Variants in CDYL2 observed in about 807,000 individuals in gnomAD.
CDYL2 encodes the protein chromodomain Y like 2.
CDYL2 carries 23 observed loss-of-function variants against 49.4 expected under a neutral mutation model. That is an observed-to-expected ratio of 0.47 (90% CI 0.34 to 0.66). CDYL2 has a LOEUF of 0.66. Among genes scored for constraint, CDYL2 ranks in the 30% least tolerant of loss-of-function variants. The pLI, the probability that CDYL2 is intolerant of heterozygous loss-of-function variation, is 0.01. For synonymous variants in CDYL2, 360 were observed against 268.8 expected (o/e 1.34, Z -3.32); for missense variants, 678 against 656.4 (o/e 1.03, Z -0.36).
intron 1 of CDYL2, among the ~76,000 whole-genome samples, chr16:80,721,898 A>C (rs1322839732): frequency 6.6e-6 from 1 of 152,160 alleles, no homozygotes; most frequent in Non-Finnish European, 1.5e-5. Context: ...GCTGGGCTGC[A>C]AATTCAGGGA....
chr16:80,713,817 G>C, intron 1 of CDYL2, among the ~76,000 whole-genome samples: 1 of 152,070 alleles, frequency 6.6e-6, no homozygotes, highest in East Asian at 1.9e-4. Flanking sequence ...CCCATTCTTG[G>C]AACTCAGGAG....
intron 1 of CDYL2, among the ~76,000 whole-genome samples, chr16:80,780,742 C>G (rs1333341145): frequency 2.0e-5 from 3 of 152,020 alleles, no homozygotes; most frequent in African/African-American, 7.2e-5. Flanking sequence ...ACAAAATTGT[C>G]CACATCATTT....
intron 1 of CDYL2, among the ~76,000 whole-genome samples, chr16:80,746,043 G>T (rs936110059): frequency 6.6e-6 from 1 of 152,158 alleles, no homozygotes; most frequent in Non-Finnish European, 1.5e-5. Flanking sequence ...CCACACACAG[G>T]TCCTTGGAAT....
At chr16:80,767,592 T>C (rs368894479) in intron 1 of CDYL2, among the ~76,000 whole-genome samples, 1 of 152,206 alleles carries the variant, frequency 6.6e-6, no homozygotes, top group African/African-American at 2.4e-5. Context: ...TCATTTCTTT[T>C]GTGCTCAAGG....
At chr16:80,794,150 CAGA>C (rs1352145134) in intron 1 of CDYL2, among the ~76,000 whole-genome samples, 1 of 152,120 alleles carries the variant, frequency 6.6e-6, no homozygotes, top group Non-Finnish European at 1.5e-5. Context: ...TGAGTCAGAG[CAGA>C]AGGAGCCAGT....
chr16:80,705,295 A>G (rs533555271), intron 1 of CDYL2, among the ~76,000 whole-genome samples: 103 of 152,332 alleles, frequency 6.8e-4, no homozygotes, highest in African/African-American at 2.3e-3. Flanking sequence ...TGGCTGGGAA[A>G]GCGGGCAGGG....
chr16:80,777,493 G>A (rs766962822), intron 1 of CDYL2, among the ~76,000 whole-genome samples: 2 of 151,746 alleles, frequency 1.3e-5, no homozygotes, highest in Non-Finnish European at 2.9e-5. Flanking sequence ...AAAATATGAA[G>A]AAAAGAGAAA....
chr16:80,788,071 C>T (rs1029261817), intron 1 of CDYL2, among the ~76,000 whole-genome samples: 13 of 151,958 alleles, frequency 8.6e-5, no homozygotes, highest in Non-Finnish European at 1.8e-4. Flanking sequence ...GGAATGCAAG[C>T]ACCATGCCAA....
At chr16:80,705,779 G>A (rs1449346872) in intron 1 of CDYL2, among the ~76,000 whole-genome samples, 1 of 152,256 alleles carries the variant, frequency 6.6e-6, no homozygotes, top group South Asian at 2.1e-4. Flanking sequence ...AACAAATGTG[G>A]CTGTGTTCCA....
At position 80,643,431 on chromosome 16, in the gene CDYL2, A is replaced by T. The variant is rs554572933; in HGVS notation, c.617-10195T>A. ...GATTTACCATTCTGGGGTCTGGAGG[A>T]CGGTGGCCCTTTTCTCACAGCTCCA... On this transcript the variant is annotated intron_variant, in intron 2 of 6. Transcript: ENST00000570137. 3.9e-5 allele frequency among the ~76,000 whole-genome samples: 6 copies of T among 152,292 alleles called. No individual in the cohort carries two copies. In the South Asian group the frequency reaches 1.2e-3, roughly 32 times the overall value.
At chr16:80,760,696 C>T (rs942737848) in intron 1 of CDYL2, among the ~76,000 whole-genome samples, 4 of 151,912 alleles carry the variant, frequency 2.6e-5, no homozygotes, top group Non-Finnish European at 5.9e-5. Context: ...TTCTCACCTA[C>T]GCTTCTATTA....
intron 2 of CDYL2, among the ~76,000 whole-genome samples, chr16:80,658,120 AT>A (rs1002523722): frequency 2.0e-5 from 3 of 151,794 alleles, no homozygotes; most frequent in Non-Finnish European, 4.4e-5. Context: ...AAAAAAAAAA[AT>A]CACAAGAAGA....
chr16:80,661,443 G>C (rs1331032792), intron 2 of CDYL2, among the ~76,000 whole-genome samples: 1 of 152,074 alleles, frequency 6.6e-6, no homozygotes, highest in Non-Finnish European at 1.5e-5. Context: ...GCCTACTATG[G>C]GATTCACACA....
At chr16:80,770,472 A>T (rs927248006) in intron 1 of CDYL2, among the ~76,000 whole-genome samples, 3 of 152,230 alleles carry the variant, frequency 2.0e-5, no homozygotes, top group Non-Finnish European at 4.4e-5. Context: ...TATGTAGAAA[A>T]ACAAAAGAAA....
chr16:80,636,788 G>C (rs930503155), intron 2 of CDYL2, among the ~76,000 whole-genome samples: 2 of 152,142 alleles, frequency 1.3e-5, no homozygotes, highest in Non-Finnish European at 2.9e-5. Flanking sequence ...CAATAGCAAA[G>C]ACTTGGAACC....
intron 1 of CDYL2, among the ~76,000 whole-genome samples, chr16:80,780,462 T>C (rs976709943): frequency 1.4e-5 from 2 of 145,198 alleles, no homozygotes; most frequent in Non-Finnish European, 3.0e-5. Context: ...TGGAGTGCAG[T>C]GGCACCAACT....
chr16:80,705,492 G>C (rs1036511743), intron 1 of CDYL2, among the ~76,000 whole-genome samples: 1 of 152,228 alleles, frequency 6.6e-6, no homozygotes. Context: ...AGAAGCTTTA[G>C]CCCAGCTGTA....
At chr16:80,713,903 G>A (rs932419482) in intron 1 of CDYL2, among the ~76,000 whole-genome samples, 2 of 152,130 alleles carry the variant, frequency 1.3e-5, no homozygotes, top group Non-Finnish European at 2.9e-5. Context: ...ACATAGCTCA[G>A]GCCCCAGTCA....
intron 1 of CDYL2, among the ~76,000 whole-genome samples, chr16:80,698,610 G>A (rs1429865134): frequency 1.3e-5 from 2 of 152,124 alleles, no homozygotes; most frequent in African/African-American, 4.8e-5. Context: ...CAGTTCTCAT[G>A]AATAAACTGC....
Sources: allele counts gnomAD v4.1 joint callset (sites outside exome capture counted in the v4.1 genomes callset), GRCh38; gene constraint gnomAD v4.1.1; transcripts MANE v1.5; gene names NCBI Gene and HGNC (gene_info 2026-07-23, HGNC 2026-07-21).